TENM3: variants seen among roughly 807,000 people sequenced by gnomAD.
The protein encoded by TENM3 is teneurin transmembrane protein 3.
TENM3 carries 63 observed loss-of-function variants against 255.1 expected under a neutral mutation model. The observed-to-expected ratio is 0.25, with a 90% CI of 0.20 to 0.30. The LOEUF is 0.30. Among genes scored for constraint, TENM3 ranks in the 10% least tolerant of loss-of-function variants. The pLI, the probability that TENM3 is intolerant of heterozygous loss-of-function variation, is 1.00. For synonymous variants in TENM3, 1,306 were observed against 1,322.3 expected (o/e 0.99, Z 0.27); for missense variants, 2,929 against 3,461.1 (o/e 0.85, Z 3.86).
the TENM3 span, among the ~76,000 whole-genome samples, chr4:181,961,545 G>T: frequency 6.6e-4 from 100 of 152,036 alleles, no homozygotes; most frequent in African/African-American, 2.2e-3. Flanking sequence ...TCAGCCTCCC[G>T]AGTAGCTGGG....
intron 3 of TENM3, among the ~76,000 whole-genome samples, chr4:182,571,922 G>GA (rs1744420359): frequency 6.6e-6 from 1 of 152,154 alleles, no homozygotes; most frequent in African/African-American, 2.4e-5. Flanking sequence ...GTTGTTTTGA[G>GA]ACAGAGTCTC....
At chr4:181,963,543 C>T in the TENM3 span, among the ~76,000 whole-genome samples, 6 of 152,098 alleles carry the variant, frequency 3.9e-5, no homozygotes, top group African/African-American at 9.7e-5. Context: ...GGCCCTGATT[C>T]CCTAAGAAAA....
At position 182,633,212 on chromosome 4, in the gene TENM3, A is replaced by T. The variant is rs534733263; in HGVS notation, c.988+4323A>T. Among the ~76,000 whole-genome samples, 7 of 152,290 alleles carry T rather than the reference A, an allele frequency of 4.6e-5. No individual in the cohort carries two copies. The South Asian group carries it at 1.0e-3, about 23-fold the overall frequency. On this transcript the variant is annotated intron_variant, in intron 5 of 27. Transcript: ENST00000511685. The stretch of plus-strand genomic sequence containing the variant: ...CTCCCAAAGTGCTGAGATGACAGGA[A>T]TGAGCCACCACTGTGCCCAGCCGAG...
intron 5 of TENM3, among the ~76,000 whole-genome samples, chr4:182,635,593 C>A (rs1025319171): frequency 3.3e-5 from 5 of 152,038 alleles, no homozygotes; most frequent in African/African-American, 4.8e-5. Context: ...TATAGCAAAC[C>A]GGAGAACTAC....
At chr4:181,620,772 C>A in the TENM3 span, among the ~76,000 whole-genome samples, 4 of 151,758 alleles carry the variant, frequency 2.6e-5, no homozygotes, top group African/African-American at 4.8e-5. Flanking sequence ...ACCTAAATTG[C>A]AGGAATTAAA....
chr4:181,576,666 T>C, the TENM3 span, among the ~76,000 whole-genome samples: 1 of 152,086 alleles, frequency 6.6e-6, no homozygotes, highest in Non-Finnish European at 1.5e-5. Flanking sequence ...TGAATGCGTA[T>C]GTAAGGGAAA....
intron 3 of TENM3, among the ~76,000 whole-genome samples, chr4:182,591,121 C>T (rs182297558): frequency 6.6e-6 from 1 of 152,112 alleles, no homozygotes; most frequent in Admixed American, 6.6e-5. Context: ...TAAATGAATT[C>T]ATCCAAAAGG....
intron 5 of TENM3, among the ~76,000 whole-genome samples, chr4:182,632,774 C>G (rs1206822338): frequency 6.6e-6 from 1 of 152,076 alleles, no homozygotes; most frequent in Non-Finnish European, 1.5e-5. Flanking sequence ...GCTTTCAAGA[C>G]ATACCTGTAA....
chr4:181,572,389 A>G, the TENM3 span, among the ~76,000 whole-genome samples: 1 of 152,232 alleles, frequency 6.6e-6, no homozygotes. Flanking sequence ...TATATAAAAC[A>G]TAATAAACTA....
intron 24 of TENM3, among the ~76,000 whole-genome samples, chr4:182,788,342 G>A (rs915145963): frequency 1.3e-5 from 2 of 152,216 alleles, no homozygotes; most frequent in African/African-American, 4.8e-5. Flanking sequence ...AGGCTGGGTT[G>A]TGTATGCCTC....
chr4:182,757,335 AAAG>A (rs1197194652), intron 22 of TENM3, among the ~76,000 whole-genome samples: 2 of 151,080 alleles, frequency 1.3e-5, no homozygotes, highest in Non-Finnish European at 2.9e-5. Flanking sequence ...AAAAAAAAAA[AAAG>A]ATCTTCAGGA....
the TENM3 span, among the ~76,000 whole-genome samples, chr4:181,495,403 C>G: frequency 2.0e-5 from 3 of 152,180 alleles, no homozygotes; most frequent in African/African-American, 7.2e-5. Context: ...TAGAAAACTT[C>G]TAAGCATTCT....
chr4:181,769,763 T>C, the TENM3 span, among the ~76,000 whole-genome samples: 1 of 152,222 alleles, frequency 6.6e-6, no homozygotes, highest in Non-Finnish European at 1.5e-5. Flanking sequence ...CTGGAACGTA[T>C]TATTATTTGC....
chr4:181,968,053 A>G, the TENM3 span, among the ~76,000 whole-genome samples: 1 of 152,288 alleles, frequency 6.6e-6, no homozygotes, highest in East Asian at 1.9e-4. Flanking sequence ...GTCTTGCTGA[A>G]CGCTGACAGA....
At chr4:181,711,890 G>A in the TENM3 span, among the ~76,000 whole-genome samples, 1 of 152,140 alleles carries the variant, frequency 6.6e-6, no homozygotes, top group African/African-American at 2.4e-5. Flanking sequence ...GTTGTGAAGA[G>A]CACATGAATG....
At chr4:182,521,005 T>C (rs1322497232) in intron 3 of TENM3, among the ~76,000 whole-genome samples, 2 of 152,306 alleles carry the variant, frequency 1.3e-5, no homozygotes, top group Non-Finnish European at 2.9e-5. Context: ...CTTCTGTACA[T>C]AGATAATAAC....
the TENM3 span, among the ~76,000 whole-genome samples, chr4:181,624,976 C>A: frequency 1.3e-5 from 2 of 152,320 alleles, no homozygotes; most frequent in Admixed American, 6.5e-5. Context: ...ACAGTAATCT[C>A]AGAGCAACAA....
At chr4:182,166,926 C>G (rs1751761286) in intron 1 of TENM3, among the ~76,000 whole-genome samples, 1 of 151,812 alleles carries the variant, frequency 6.6e-6, no homozygotes, top group African/African-American at 2.4e-5. Context: ...AGAGAAGAAG[C>G]AAGTTATGTT....
intron 3 of TENM3, among the ~76,000 whole-genome samples, chr4:182,370,677 G>T (rs1484083256): frequency 1.3e-5 from 2 of 152,008 alleles, no homozygotes; most frequent in African/African-American, 4.8e-5. Flanking sequence ...CCCAAGTATT[G>T]TTATCTGTGT....
Sources: allele counts gnomAD v4.1 joint callset (sites outside exome capture counted in the v4.1 genomes callset), GRCh38; gene constraint gnomAD v4.1.1; transcripts MANE v1.5; gene names NCBI Gene and HGNC (gene_info 2026-07-23, HGNC 2026-07-21).